Variants in MAN2C1 observed in about 807,000 individuals in gnomAD.
MAN2C1 encodes alpha-mannosidase 2C1.
In MAN2C1, 111 loss-of-function variants were observed where a neutral mutation model predicts 126.9. That is an observed-to-expected ratio of 0.87 (90% CI 0.75 to 1.02). MAN2C1 has a LOEUF of 1.02. MAN2C1 is among the 50% of genes least tolerant of loss of function. The pLI, the probability that MAN2C1 is intolerant of heterozygous loss-of-function variation, is 0.00. For synonymous variants in MAN2C1, 567 were observed against 561.5 expected, an observed-to-expected ratio of 1.01 and a Z score of -0.14; for missense variants, 1,363 against 1,364.4, an observed-to-expected ratio of 1.00 and a Z score of 0.02.
rs149190131 is a variant in MAN2C1 at position 75,359,763 on chromosome 15, T to C, written c.1805A>G (p.His602Arg). ...TGCAGCGCTGAGCAGTGTATTGCCA[T>C]GGGAACGGATGTCTGAGGAAAGACT... ...AMCHYEDIRS[H>R]GNTLLSAAAA... is the part of the protein sequence containing the mutation. Residue 602 changes from histidine to arginine, a missense_variant, in exon 16 of 26, where the codon CAT becomes CGT. Around this residue, in one of 3 missense-constraint regions of MAN2C1, gnomAD observed 668 missense variants for 650.1 expected, o/e 1.03. Coordinates refer to ENST00000267978, the MANE Select transcript of MAN2C1 (RefSeq NM_006715.4). The C allele has an allele frequency of 1.7e-4, 281 of 1,613,686 alleles. No homozygotes were observed. Among genetic ancestry groups the C allele is most frequent in the Non-Finnish European group, 2.2e-4 (258 of 1,179,992 alleles).
At chr15:75,359,831 G>C in intron 15 of MAN2C1, 56 bp from the exon 16 acceptor site, 1 of 1,612,332 alleles carries the variant, frequency 6.2e-7, no homozygotes, top group Non-Finnish European at 8.5e-7. Context: ...GTGCCCATGG[G>C]TATCCCACAG....
intron 6 of MAN2C1, among the ~76,000 whole-genome samples, chr15:75,363,466 C>T (rs1238670121): frequency 6.6e-6 from 1 of 152,118 alleles, no homozygotes; most frequent in Middle Eastern, 3.2e-3. Flanking sequence ...TGTAATCCTA[C>T]CCTCAATATC....
intron 4 of MAN2C1, among the ~76,000 whole-genome samples, chr15:75,365,043 G>A (rs113108568): frequency 5.1e-4 from 78 of 152,266 alleles, no homozygotes; most frequent in African/African-American, 1.6e-3. Flanking sequence ...AAACCAACAC[G>A]GCCAACATGG....
chr15:75,356,883 A>G lies in MAN2C1; in HGVS notation c.2567T>C (p.Met856Thr). 6.2e-7 allele frequency: 1 copy of G among 1,614,054 alleles called. No homozygotes were observed. The highest frequency in any genetic ancestry group is 2.2e-5 in the East Asian group (1 of 44,872). The change falls in exon 22 of 26, where the codon ATG becomes ACG. Residue 856 changes from methionine to threonine, a missense_variant. Physicochemically the swap from Met to Thr is moderately conservative, Grantham distance 81. This residue lies in a region of MAN2C1 where 668 missense variants were observed against 650.1 expected (regional missense o/e 1.03). Coordinates refer to ENST00000267978, the MANE Select transcript of MAN2C1 (RefSeq NM_006715.4). The surrounding 1 kb of genome is among the most constrained non-coding windows in gnomAD (Gnocchi z 5.8). ...CCCAAAGCCGTGTTCTGACAGATCCATCCAGCGATGGGCCCACACCTGGAG... is the reference window on the plus strand; with the variant it reads ...CCCAAAGCCGTGTTCTGACAGATCCGTCCAGCGATGGGCCCACACCTGGAG... ...ARFEVWAHRWMDLSEHGFGLA... is the reference protein window; with the variant it reads ...ARFEVWAHRWTDLSEHGFGLA...
Position 75,362,287 on chromosome 15 carries a change from C to G in MAN2C1, c.1008+56G>C. On this transcript the variant is annotated intron_variant, in intron 8 of 25. Transcript: ENST00000267978. The surrounding 1 kb of genome is among the most constrained non-coding windows in gnomAD (Gnocchi z 4.5). ...AGCAAAGCCGGGAGGGCGGGGCTACCTGAGGGAAGGCTGTTGTCATACAGT... is the reference window on the plus strand; with the variant it reads ...AGCAAAGCCGGGAGGGCGGGGCTACGTGAGGGAAGGCTGTTGTCATACAGT... The G allele has an allele frequency of 6.6e-7, 1 of 1,513,636 alleles. No individual in the cohort carries two copies. The highest frequency in any genetic ancestry group is 9.2e-7 in the Non-Finnish European group (1 of 1,092,540). The allele number at this position is 1,513,636 out of a possible 1,614,324, so 93.8% of individuals were successfully genotyped here.
intron 21 of MAN2C1, 127 bp downstream of exon 21, chr15:75,358,074 A>T: frequency 8.4e-7 from 1 of 1,185,528 alleles, no homozygotes; most frequent in Non-Finnish European, 1.2e-6. Context: ...CATTTAGTGC[A>T]ATGCCTGGCA....
chr15:75,361,233 A>G lies in MAN2C1; in HGVS notation c.1315-42T>C. 6.3e-7 allele frequency: 1 copy of G among 1,599,210 alleles called. No homozygotes were observed. The highest frequency in any genetic ancestry group is 8.5e-7 in the Non-Finnish European group (1 of 1,173,748). On this transcript the variant is annotated intron_variant, in intron 11 of 25. Coordinates refer to ENST00000267978, the MANE Select transcript of MAN2C1 (RefSeq NM_006715.4). The surrounding 1 kb of genome is among the most constrained non-coding windows in gnomAD (Gnocchi z 5.0). ...AGGCCAGCATGGATCAGCCTGGAAC[A>G]AGCCAGCCCTCTCCAGCCTGCCCCT...
chr15:75,362,440 T>C lies in MAN2C1; in HGVS notation c.911A>G (p.Glu304Gly). Residue 304 changes from glutamate (E) to glycine (G), a missense_variant, in exon 8 of 26, where the codon GAA becomes GGA. Coordinates refer to ENST00000267978, the MANE Select transcript of MAN2C1 (RefSeq NM_006715.4). This position sits in a 1 kb window ranked among gnomAD's most constrained non-coding sequence, Gnocchi z 4.5. ...IFACSQAQQL[E>G]WVKSRYPGLY... Reference sequence around the variant, plus strand: ...GCCAGGGTAGCGGCTCTTCACCCATTCCAGCTGCTGCGCCTGTGGGCAGGT... The same window carrying C: ...GCCAGGGTAGCGGCTCTTCACCCATCCCAGCTGCTGCGCCTGTGGGCAGGT... 1 of 1,612,504 alleles carries C rather than the reference T, an allele frequency of 6.2e-7. No individual in the cohort carries two copies. The highest frequency in any genetic ancestry group is 8.5e-7 in the Non-Finnish European group (1 of 1,179,574).
rs1567274113 is a variant in MAN2C1 at position 75,358,662 on chromosome 15, T to TC, written c.2246+41dup. The TC allele has an allele frequency of 3.0e-6, 4 of 1,331,064 alleles. No individual in the cohort carries two copies. The African/African-American group carries it at 8.3e-5, about 28-fold the overall frequency. The allele number at this position is 1,331,064 out of a possible 1,614,324, so 82.5% of individuals were successfully genotyped here. On this transcript the variant is annotated intron_variant, in intron 19 of 25. Coordinates refer to ENST00000267978, the MANE Select transcript of MAN2C1 (RefSeq NM_006715.4). ...CATACTGATCCAGAGCAGCCTGTGT[T>TC]CCCACCACCTCCACCATCCCCACAT...
rs747013858 is a variant in MAN2C1 at position 75,356,397 on chromosome 15, G to A, written c.2790C>T (p.Pro930=). The A allele has an allele frequency of 6.8e-6, 11 of 1,610,888 alleles. No individual in the cohort carries two copies. Among genetic ancestry groups the A allele is most frequent in the South Asian group, 2.2e-5 (2 of 90,408 alleles). ...VIQAAYSLNF[P]LLALPAPSPA... ...GGCTGGGGGCTGGCAGAGCCAACAG[G>A]GGGAAGTTTAGGCTGTAGGCAGCTT... Residue 930 remains proline (P), a synonymous_variant, in exon 24 of 26, where the codon CCC becomes CCT. Transcript: ENST00000267978. This position sits in a 1 kb window ranked among gnomAD's most constrained non-coding sequence, Gnocchi z 5.8.
intron 18 of MAN2C1, 58 bp downstream of exon 18, chr15:75,359,001 G>A (rs1182993252): frequency 4.1e-5 from 65 of 1,602,524 alleles, no homozygotes; most frequent in Non-Finnish European, 5.1e-5. Context: ...AGGGGAGAGA[G>A]GAAATGGCCT....
At chr15:75,364,211 A>G in intron 5 of MAN2C1, 23 bp from the exon 6 acceptor site, 1 of 1,588,186 alleles carries the variant, frequency 6.3e-7, no homozygotes, top group Non-Finnish European at 8.5e-7. Context: ...TCTGCCCCTT[A>G]ATCCCTTTTT....
intron 14 of MAN2C1, 21 bp from the exon 15 acceptor site, chr15:75,360,009 G>A (rs1234871950): frequency 1.3e-5 from 21 of 1,614,060 alleles, no homozygotes; most frequent in Non-Finnish European, 1.8e-5. Context: ...CAAGGGCAGG[G>A]ATGGGAAGGC....
In MAN2C1 at chr15:75,368,599, C is replaced by T. The variant is rs754098414; in HGVS notation, c.-16G>A. On this transcript the variant is annotated 5_prime_UTR_variant, in exon 1 of 26. Transcript: ENST00000267978. Reference sequence around the variant, plus strand: ...CAGCCGCCATCGCCGGGCTCTCGCTCCTCTTTCCGGAAGGCCCCTGGCGCT... The same window carrying T: ...CAGCCGCCATCGCCGGGCTCTCGCTTCTCTTTCCGGAAGGCCCCTGGCGCT... 4.2e-5 allele frequency: 64 copies of T among 1,531,298 alleles called. No homozygotes were observed. The Admixed American group carries it at 7.1e-4, about 17-fold the overall frequency. The allele number at this position is 1,531,298 out of a possible 1,614,324, so 94.9% of individuals were successfully genotyped here.
chr15:75,362,343 C>A lies in MAN2C1; in HGVS notation c.1008G>T (p.Met336Ile). 1.9e-6 allele frequency: 3 copies of A among 1,613,460 alleles called. No individual in the cohort carries two copies. Among genetic ancestry groups the A allele is most frequent in the Non-Finnish European group, 2.5e-6 (3 of 1,179,662 alleles). The change falls in exon 8 of 26, where the codon ATG becomes ATT. Residue 336 changes from methionine (M) to isoleucine (I), a missense_variant and splice_region_variant. This residue lies in a region of MAN2C1 where 628 missense variants were observed against 609.8 expected (regional missense o/e 1.03). Coordinates refer to ENST00000267978, the MANE Select transcript of MAN2C1 (RefSeq NM_006715.4). The surrounding 1 kb of genome is among the most constrained non-coding windows in gnomAD (Gnocchi z 4.5). ...GCTGAGGAGTGCCCAGTGCACTTAC[C>A]ATCTCCACCCAGGTGCCCCCCACAG... ...FVPVGGTWVE[M>I]DGNLPSGEAM...
chr15:75,358,991 A>G, intron 18 of MAN2C1, 68 bp downstream of exon 18: 1 of 1,594,752 alleles, frequency 6.3e-7, no homozygotes, highest in Non-Finnish European at 8.6e-7. Context: ...TGTTGTGGCA[A>G]GGGGAGAGAG....
chr15:75,360,234 A>G, intron 13 of MAN2C1, 23 bp from the exon 14 acceptor site: 1 of 1,604,142 alleles, frequency 6.2e-7, no homozygotes, highest in Non-Finnish European at 8.5e-7. Flanking sequence ...TGGGAAGATT[A>G]GTCTGGAGCC....
rs200488249 is a variant in MAN2C1 at position 75,364,637 on chromosome 15, T to G, written c.451A>C (p.Asn151His). 89 of 1,612,900 alleles carry G rather than the reference T, an allele frequency of 5.5e-5. No individual in the cohort carries two copies. Among genetic ancestry groups the G allele is most frequent in the Non-Finnish European group, 7.3e-5 (86 of 1,179,474 alleles). Residue 151 changes from asparagine (N) to histidine (H), a missense_variant, in exon 5 of 26, where the codon AAT (asparagine) becomes CAT (histidine). Asn to His is a moderately conservative substitution (Grantham distance 68, BLOSUM62 1). Around this residue, in one of 3 missense-constraint regions of MAN2C1, gnomAD observed 628 missense variants for 609.8 expected, o/e 1.03. Coordinates refer to ENST00000267978, the MANE Select transcript of MAN2C1 (RefSeq NM_006715.4). The part of the protein sequence containing the change: ...SLTLYVEVAC[N>H]GLLGAGKGSM... The stretch of plus-strand genomic sequence containing the variant: ...CCCTTCCCGGCCCCCAGGAGCCCAT[T>G]GCAGGCTACTTCCACATAGAGAGTG...
Position 75,356,468 on chromosome 15 carries a change from A to G in MAN2C1, c.2738-19T>C. The G allele has an allele frequency of 6.3e-7, 1 of 1,585,236 alleles. No homozygotes were observed. The highest frequency in any genetic ancestry group is 1.2e-5 in the South Asian group (1 of 86,576). On this transcript the variant is annotated intron_variant, in intron 23 of 25. Coordinates refer to ENST00000267978, the MANE Select transcript of MAN2C1 (RefSeq NM_006715.4). This position sits in a 1 kb window ranked among gnomAD's most constrained non-coding sequence, Gnocchi z 5.8. ...AAAGAGCCTGGGGTACGACCAGGAA[A>G]CAATGCTGGTGGAGAATGGGGGCTA...
Sources: gnomAD v4.1 joint callset for allele counts (sites outside exome capture counted in the v4.1 genomes callset) on GRCh38, gnomAD v4.1.1 for gene constraint, gnomAD v4.1.1 regional missense constraint, Gnocchi (gnomAD v3.1) non-coding constraint, MANE v1.5 for transcripts, NCBI Gene and HGNC (gene_info 2026-07-23, HGNC 2026-07-21) for gene names.